SLC39A10: variants seen among roughly 807,000 people sequenced by gnomAD.
SLC39A10 encodes the protein zinc transporter ZIP10.
SLC39A10 carries 13 observed loss-of-function variants against 65.1 expected under a neutral mutation model. That is an observed-to-expected ratio of 0.20 (90% CI 0.13 to 0.32). The LOEUF is 0.32. SLC39A10 is among the 10% of genes least tolerant of loss of function. SLC39A10 has a pLI of 1.00. For synonymous variants in SLC39A10, 321 were observed against 342.2 expected (o/e 0.94, Z 0.68); for missense variants, 831 against 1,018.4 (o/e 0.82, Z 2.50).
chr2:195,711,282 T>C (rs1296848573), intron 5 of SLC39A10, among the ~76,000 whole-genome samples: 2 of 152,220 alleles, frequency 1.3e-5, no homozygotes, highest in African/African-American at 4.8e-5. Flanking sequence ...TTTTTTGTTT[T>C]TTATAATTTG....
At chr2:195,673,323 AT>A (rs995583229) in intron 1 of SLC39A10, among the ~76,000 whole-genome samples, 3 of 151,660 alleles carry the variant, frequency 2.0e-5, no homozygotes, top group Non-Finnish European at 4.4e-5. Context: ...TGCCCAACTA[AT>A]TTTTTTTGTA....
At chr2:195,649,450 C>T (rs901520449) in intron 2 of SLC39A10, among the ~76,000 whole-genome samples, 11 of 152,150 alleles carry the variant, frequency 7.2e-5, no homozygotes, top group Admixed American at 3.3e-4. Context: ...AGAAGATGTA[C>T]TTGATTATTT....
At chr2:195,655,872 T>C (rs181284813), upstream of SLC39A10, among the ~76,000 whole-genome samples, 431 of 152,270 alleles carry the variant, frequency 2.8e-3, 8 homozygotes, top group Non-Finnish European at 1.0e-3. Flanking sequence ...TTTGTAGAGA[T>C]ACAAAACAAA....
chr2:195,625,433 G>A (rs1327971771), intron 2 of SLC39A10, among the ~76,000 whole-genome samples: 1 of 151,348 alleles, frequency 6.6e-6, no homozygotes. Flanking sequence ...CTGCCACCAC[G>A]CCCGGCTAAT....
At chr2:195,649,026 C>A (rs902456711) in intron 2 of SLC39A10, among the ~76,000 whole-genome samples, 1 of 152,132 alleles carries the variant, frequency 6.6e-6, no homozygotes, top group African/African-American at 2.4e-5. Context: ...GTGAGATCAT[C>A]TATGAGAAAG....
intron 1 of SLC39A10, among the ~76,000 whole-genome samples, chr2:195,662,567 C>T (rs941340824): frequency 6.6e-6 from 1 of 152,108 alleles, no homozygotes; most frequent in Non-Finnish European, 1.5e-5. Context: ...AGCCACCGTG[C>T]CCAGCCTATG....
intron 2 of SLC39A10, among the ~76,000 whole-genome samples, chr2:195,646,868 A>G (rs1574218437): frequency 6.6e-6 from 1 of 152,268 alleles, no homozygotes; most frequent in East Asian, 1.9e-4. Flanking sequence ...CAGGTGGAGC[A>G]GTTTCATCCC....
In SLC39A10 at chr2:195,699,620, A is replaced by G. The variant is rs142488270; in HGVS notation, c.1217-6996A>G. Among the ~76,000 whole-genome samples, 570 of 152,224 alleles carry G rather than the reference A, an allele frequency of 3.7e-3. 3 individuals are homozygous for G. Among genetic ancestry groups the G allele is most frequent in the East Asian group, 0.018 (93 of 5,192 alleles). The stretch of plus-strand genomic sequence containing the variant: ...TTACTTCAGTAGTTGATTTCTAACT[A>G]TTCCATTATGGTAGGAGAAGACACT... On this transcript the variant is annotated intron_variant, in intron 3 of 9. Transcript: ENST00000359634.
chr2:195,736,339 T>A lies in SLC39A10; in HGVS notation c.*1298T>A. ...ATTTTTACTTAATAATTTGTATTAC[T>A]AGTCATATGCATGTAGCTTTCTGTT... On this transcript the variant is annotated 3_prime_UTR_variant, in exon 10 of 10. Transcript: ENST00000359634. 1 of 166,230 alleles carries A rather than the reference T, an allele frequency of 6.0e-6. No individual in the cohort carries two copies. 10.3% of individuals were successfully genotyped at this position (166,230 alleles called of 1,614,324 possible). A position where few individuals can be genotyped will look rare whatever the true frequency, so the allele number is the denominator to read the frequency against.
At chr2:195,636,577 C>T (rs1451192717) in intron 2 of SLC39A10, among the ~76,000 whole-genome samples, 2 of 151,970 alleles carry the variant, frequency 1.3e-5, no homozygotes, top group Non-Finnish European at 2.9e-5. Context: ...CGGTGAAACC[C>T]AGTCTCTACT....
rs937023991 is a variant in SLC39A10, at chr2:195,736,973, A to ATC, written c.*1934_*1935dup. The ATC allele has an allele frequency of 1.3e-5, 2 of 152,602 alleles. No individual in the cohort carries two copies. The highest frequency in any genetic ancestry group is 2.9e-5 in the Non-Finnish European group (2 of 68,014). 9.5% of individuals were successfully genotyped at this position (152,602 alleles called of 1,614,324 possible). On this transcript the variant is annotated 3_prime_UTR_variant, in exon 10 of 10. Transcript: ENST00000359634. Reference sequence around the variant, plus strand: ...GTAGGATTCTGCATTCCAGCATTAAATCTGCTTCATTTTAGAACCTTTATA... The same window carrying ATC: ...GTAGGATTCTGCATTCCAGCATTAAATCTCTGCTTCATTTTAGAACCTTTATA...
In SLC39A10 at chr2:195,736,669, G is replaced by A. The variant is rs1692617881; in HGVS notation, c.*1628G>A. The stretch of plus-strand genomic sequence containing the variant: ...GTATGCTATAAGCAAGGGAGCTTAG[G>A]TGTTATTTCTTTAATTTATGCTTGA... On this transcript the variant is annotated 3_prime_UTR_variant, in exon 10 of 10. Transcript: ENST00000359634. The A allele has an allele frequency of 6.6e-6, 1 of 151,426 alleles. No homozygotes were observed. The highest frequency in any genetic ancestry group is 6.6e-5 in the Admixed American group (1 of 15,186). 9.4% of individuals were successfully genotyped at this position (151,426 alleles called of 1,614,324 possible). A position where few individuals can be genotyped will look rare whatever the true frequency, so the allele number is the denominator to read the frequency against.
chr2:195,671,274 A>G (rs1248285416), intron 1 of SLC39A10, among the ~76,000 whole-genome samples: 1 of 152,228 alleles, frequency 6.6e-6, no homozygotes, highest in Non-Finnish European at 1.5e-5. Context: ...CTTAATGCAG[A>G]AATTATACAG....
chr2:195,637,461 C>T (rs1434511317), intron 2 of SLC39A10, among the ~76,000 whole-genome samples: 2 of 152,192 alleles, frequency 1.3e-5, no homozygotes, highest in African/African-American at 4.8e-5. Flanking sequence ...CCAGGTTCTA[C>T]AGTCAGCCAA....
At chr2:195,631,052 G>A (rs1234520403) in intron 2 of SLC39A10, among the ~76,000 whole-genome samples, 1 of 152,056 alleles carries the variant, frequency 6.6e-6, no homozygotes, top group Non-Finnish European at 1.5e-5. Context: ...AGCCAGGCAC[G>A]GTGGCAGGCA....
intron 2 of SLC39A10, among the ~76,000 whole-genome samples, chr2:195,618,255 G>A (rs1043331315): frequency 2.0e-5 from 3 of 151,338 alleles, no homozygotes; most frequent in Admixed American, 1.3e-4. Context: ...GGAGGCTGAG[G>A]CAGGAGAATC....
intron 2 of SLC39A10, among the ~76,000 whole-genome samples, chr2:195,615,585 G>A (rs1421800208): frequency 6.6e-6 from 1 of 152,092 alleles, no homozygotes; most frequent in African/African-American, 2.4e-5. Flanking sequence ...TTTAAATTTC[G>A]CAGATGATGG....
In SLC39A10 at chr2:195,720,766, C is replaced by G. The variant is rs911885334; in HGVS notation, c.2146+2434C>G. Among the ~76,000 whole-genome samples the G allele has an allele frequency of 1.6e-4, 24 of 152,280 alleles. 1 individual carries two copies. The highest frequency in any genetic ancestry group is 1.2e-3 in the South Asian group (6 of 4,828). On this transcript the variant is annotated intron_variant, in intron 8 of 9. Transcript: ENST00000359634. ...TCATGCCCATTATCCTTTATCCAGA[C>G]CAAGTCATCACCGCCTTTGTGGTGT...
At chr2:195,659,331 TCTAA>T (rs1196878308) in intron 1 of SLC39A10, among the ~76,000 whole-genome samples, 1 of 152,166 alleles carries the variant, frequency 6.6e-6, no homozygotes, top group Non-Finnish European at 1.5e-5. Context: ...CAATTTAAAT[TCTAA>T]CTGCTTAAAA....
Sources: gnomAD v4.1 joint callset for allele counts (sites outside exome capture counted in the v4.1 genomes callset) on GRCh38, gnomAD v4.1.1 for gene constraint, MANE v1.5 for transcripts, NCBI Gene and HGNC (gene_info 2026-07-23, HGNC 2026-07-21) for gene names.